MYPN: variants seen among roughly 807,000 people sequenced by gnomAD.
MYPN encodes the protein sarcomeric protein myopalladin, 145 kDa (MYOP).
A neutral mutation model predicts 129.4 loss-of-function variants in MYPN; 63 were observed. The ratio of observed to expected loss-of-function variants is 0.49; its 90% confidence interval spans 0.40 to 0.60. MYPN has a LOEUF of 0.60. Among genes scored for constraint, MYPN ranks in the 20% least tolerant of loss-of-function variants. MYPN has a pLI of 0.00. For synonymous variants in MYPN, 629 were observed against 600.9 expected, an observed-to-expected ratio of 1.05 and a Z score of -0.68; for missense variants, 1,596 against 1,635.4, an observed-to-expected ratio of 0.98 and a Z score of 0.42.
intron 13 of MYPN, among the ~76,000 whole-genome samples, chr10:68,192,457 CTGT>C (rs554010035): frequency 6.9e-6 from 1 of 145,138 alleles, no homozygotes; most frequent in Non-Finnish European, 1.5e-5. Context: ...ACCTGTAGTT[CTGT>C]TGTTGTTGTT....
At chr10:68,102,281 C>T (rs889174344), upstream of MYPN, among the ~76,000 whole-genome samples, 3 of 151,880 alleles carry the variant, frequency 2.0e-5, no homozygotes, top group Non-Finnish European at 2.9e-5. Context: ...CACACCACCA[C>T]GCCCAGCTAA....
intron 2 of MYPN, among the ~76,000 whole-genome samples, chr10:68,128,828 G>A (rs756812319): frequency 4.6e-5 from 7 of 152,126 alleles, no homozygotes; most frequent in Non-Finnish European, 1.0e-4. Flanking sequence ...AAGTGTCGCA[G>A]GCTGAGGGAA....
At chr10:68,177,134 A>T (rs1409869715) in intron 12 of MYPN, among the ~76,000 whole-genome samples, 3 of 152,186 alleles carry the variant, frequency 2.0e-5, no homozygotes, top group African/African-American at 7.2e-5. Context: ...TGCCCAGCTC[A>T]GGGGAAAGAA....
Position 68,158,247 on chromosome 10 carries a change from G to A in MYPN, c.1318-239G>A, listed in dbSNP as rs972585861. 21 of 495,312 alleles carry A rather than the reference G, an allele frequency of 4.2e-5. No homozygotes were observed. The South Asian group carries it at 4.7e-4, about 11-fold the overall frequency. The allele number at this position is 495,312 out of a possible 1,614,324, so 30.7% of individuals were successfully genotyped here. ...AAGAAGATGACCATCCCTGATAGAG[G>A]AGGACCAATCTTAGGTCAAGGGCAT... On this transcript the variant is annotated intron_variant, in intron 6 of 19. Transcript: ENST00000358913.
intron 1 of MYPN, among the ~76,000 whole-genome samples, chr10:68,109,954 G>A (rs2042059128): frequency 6.6e-6 from 1 of 152,118 alleles, no homozygotes; most frequent in East Asian, 1.9e-4. Flanking sequence ...GAGTTCCTAA[G>A]GAAAAATATC....
At chr10:68,094,181 C>T (rs770327097) in intron 1 of MYPN, among the ~76,000 whole-genome samples, 10 of 152,026 alleles carry the variant, frequency 6.6e-5, no homozygotes, top group African/African-American at 2.2e-4. Context: ...CAATCCTGCC[C>T]GCCTTCTGTC....
chr10:68,175,223 C>A, intron 11 of MYPN, 100 bp from the exon 12 acceptor site: 1 of 1,284,028 alleles, frequency 7.8e-7, no homozygotes. Flanking sequence ...GCCTAATGAC[C>A]GCTGGTTTCT....
chr10:68,153,704 G>GTCACTGCC (rs1338504608), intron 6 of MYPN, among the ~76,000 whole-genome samples: 3 of 152,230 alleles, frequency 2.0e-5, no homozygotes, highest in African/African-American at 7.2e-5. Flanking sequence ...TGAGGTCATA[G>GTCACTGCC]TCACTGCCAG....
At chr10:68,117,544 G>A (rs540164031) in intron 1 of MYPN, among the ~76,000 whole-genome samples, 3 of 152,044 alleles carry the variant, frequency 2.0e-5, no homozygotes, top group Non-Finnish European at 4.4e-5. Flanking sequence ...AGGCCTGATA[G>A]GATAGTGAAA....
At chr10:68,191,805 C>A (rs1023258325) in intron 13 of MYPN, among the ~76,000 whole-genome samples, 1 of 151,968 alleles carries the variant, frequency 6.6e-6, no homozygotes, top group African/African-American at 2.4e-5. Flanking sequence ...ATTTCTTTTT[C>A]AGAGTGATTG....
intron 5 of MYPN, among the ~76,000 whole-genome samples, chr10:68,149,718 G>GT (rs2042733869): frequency 6.6e-6 from 1 of 152,106 alleles, no homozygotes; most frequent in Non-Finnish European, 1.5e-5. Flanking sequence ...TAATCCATTG[G>GT]TTTTCAAACT....
At chr10:68,205,232 T>C (rs2043794162) in intron 18 of MYPN, among the ~76,000 whole-genome samples, 1 of 152,212 alleles carries the variant, frequency 6.6e-6, no homozygotes, top group African/African-American at 2.4e-5. Context: ...TTGATGCCTG[T>C]GGCTTCCCAG....
chr10:68,134,266 A>G (rs1048065349), intron 2 of MYPN, among the ~76,000 whole-genome samples: 3 of 152,172 alleles, frequency 2.0e-5, no homozygotes, highest in African/African-American at 7.2e-5. Context: ...GTTTCCTGCC[A>G]TATTACATTC....
Position 68,122,152 on chromosome 10 carries a change from G to A in MYPN, c.714G>A (p.Ala238=), listed in dbSNP as rs757661676. The A allele has an allele frequency of 8.1e-6, 13 of 1,612,350 alleles. No homozygotes were observed. In the Admixed American group the frequency reaches 1.2e-4, roughly 15 times the overall value. Residue 238 remains alanine, a synonymous_variant, in exon 2 of 20, where the codon GCG becomes GCA. Coordinates refer to ENST00000358913, the MANE Select transcript of MYPN (RefSeq NM_032578.4). Reference sequence around the variant, plus strand: ...AGCAGGAAGCCAAGAGGCGTGAAGCGGAGCAGGCTGCCAGTGAGGCGGCTG... The same window carrying A: ...AGCAGGAAGCCAAGAGGCGTGAAGCAGAGCAGGCTGCCAGTGAGGCGGCTG... ...LEQQEAKRRE[A]EQAASEAAGG...
At chr10:68,157,878 C>A (rs1162082531) in intron 6 of MYPN, among the ~76,000 whole-genome samples, 4 of 149,450 alleles carry the variant, frequency 2.7e-5, no homozygotes, top group Non-Finnish European at 4.5e-5. Flanking sequence ...ACACCCCCGA[C>A]CAATAAAAAA....
chr10:68,108,379 C>T (rs1301674977), upstream of MYPN, among the ~76,000 whole-genome samples: 4 of 152,160 alleles, frequency 2.6e-5, no homozygotes, highest in African/African-American at 7.2e-5. Flanking sequence ...AAGATCTCTT[C>T]GTAAATTCCA....
At chr10:68,096,505 T>A (rs926432094) in intron 1 of MYPN, among the ~76,000 whole-genome samples, 2 of 152,180 alleles carry the variant, frequency 1.3e-5, no homozygotes, top group Non-Finnish European at 2.9e-5. Flanking sequence ...GAGGTTGCAG[T>A]GAGCTGAGAT....
chr10:68,153,175 G>A (rs1046218640), intron 6 of MYPN, among the ~76,000 whole-genome samples: 2 of 151,020 alleles, frequency 1.3e-5, no homozygotes, highest in South Asian at 2.1e-4. Flanking sequence ...TAGTAGAGAC[G>A]GGGTTTCACC....
chr10:68,184,350 G>A (rs1042503712), intron 12 of MYPN, among the ~76,000 whole-genome samples: 11 of 152,178 alleles, frequency 7.2e-5, no homozygotes, highest in African/African-American at 2.7e-4. Flanking sequence ...TAAAAGGATC[G>A]GATGCATGAA....
Sources: gnomAD v4.1 joint callset for allele counts (sites outside exome capture counted in the v4.1 genomes callset) on GRCh38, gnomAD v4.1.1 for gene constraint, MANE v1.5 for transcripts, NCBI Gene and HGNC (gene_info 2026-07-23, HGNC 2026-07-21) for gene names.